The following SGIP1 variants were observed in gnomAD, a reference collection of about 807,000 sequenced individuals.
SGIP1 encodes the protein SH3GL interacting endocytic adaptor 1.
A neutral mutation model predicts 107.5 loss-of-function variants in SGIP1; 38 were observed. The observed-to-expected ratio is 0.35, with a 90% CI of 0.27 to 0.46. The LOEUF (loss-of-function observed/expected upper bound fraction) is 0.46. SGIP1 is among the 20% of genes least tolerant of loss of function. The pLI is 1.00. For synonymous variants in SGIP1, 365 were observed against 366.1 expected, an observed-to-expected ratio of 1.00 and a Z score of 0.03; for missense variants, 929 against 1,019.5, an observed-to-expected ratio of 0.91 and a Z score of 1.21.
rs369592308 is a variant in SGIP1, at chr1:66,729,390, C to T, written c.1869C>T (p.His623=). 56 of 1,614,138 alleles carry T rather than the reference C, an allele frequency of 3.5e-5. 1 individual carries two copies. In the South Asian group the frequency reaches 4.2e-4, roughly 12 times the overall value. Residue 623 remains histidine (H), a synonymous_variant, in exon 20 of 25, where the codon CAC becomes CAT. Transcript: ENST00000371037. ...TGATAAATTTCAGCAGGTTAGAACA[C>T]GTCCTGCCAAACCCCCAACTTCTCT... ...FRVINFSRLE[H]VLPNPQLLCC...
intron 1 of SGIP1, among the ~76,000 whole-genome samples, chr1:66,617,531 T>C (rs1436125716): frequency 3.3e-5 from 5 of 152,234 alleles, no homozygotes; most frequent in African/African-American, 1.2e-4. Context: ...GCTGTCAATA[T>C]GCGGCATTGT....
In SGIP1 at chr1:66,745,278, A is replaced by C. The variant is rs1361576701; in HGVS notation, c.*2183A>C. 6.6e-6 allele frequency: 1 copy of C among 152,060 alleles called. No individual in the cohort carries two copies. The highest frequency in any genetic ancestry group is 2.4e-5 in the African/African-American group (1 of 41,458). 9.4% of individuals were successfully genotyped at this position (152,060 alleles called of 1,614,324 possible). A position where few individuals can be genotyped will look rare whatever the true frequency, so the allele number is the denominator to read the frequency against. ...CTTTCTAGGGATTAAATTAGAAACT[A>C]TGAAGAAATCCTATAATCTCTTAAC... On this transcript the variant is annotated 3_prime_UTR_variant, in exon 25 of 25. Transcript: ENST00000371037.
chr1:66,737,208 C>A (rs2094294017), intron 21 of SGIP1, among the ~76,000 whole-genome samples: 1 of 152,130 alleles, frequency 6.6e-6, no homozygotes, highest in African/African-American at 2.4e-5. Context: ...CCAAAGTGTG[C>A]AAATAAGTTG....
intron 16 of SGIP1, 120 bp from the exon 17 acceptor site, chr1:66,690,070 T>C: frequency 9.0e-7 from 1 of 1,105,982 alleles, no homozygotes; most frequent in Non-Finnish European, 1.3e-6. Flanking sequence ...GTAAAAATGG[T>C]GTCATCTATT....
chr1:66,652,113 T>C (rs1056817982), intron 7 of SGIP1, among the ~76,000 whole-genome samples: 1 of 152,100 alleles, frequency 6.6e-6, no homozygotes, highest in Admixed American at 6.5e-5. Flanking sequence ...ATATATCTTA[T>C]TATCTGTGTG....
At chr1:66,597,999 G>A (rs2065043068) in intron 1 of SGIP1, among the ~76,000 whole-genome samples, 1 of 152,036 alleles carries the variant, frequency 6.6e-6, no homozygotes, top group Non-Finnish European at 1.5e-5. Flanking sequence ...CAAGCAGAAA[G>A]GGAACACAAC....
Position 66,719,282 on chromosome 1 carries a change from C to T in SGIP1, c.1631-12C>T. On this transcript the variant is annotated splice_polypyrimidine_tract_variant and intron_variant, in intron 18 of 24. Transcript: ENST00000371037. The stretch of plus-strand genomic sequence containing the variant: ...ATTTTCATAATAAATGAAAATTTTT[C>T]ATTTCATGCAGGTTCTTCCAGGGGA... The T allele has an allele frequency of 6.3e-7, 1 of 1,581,472 alleles. No homozygotes were observed. The highest frequency in any genetic ancestry group is 8.6e-7 in the Non-Finnish European group (1 of 1,159,344).
intron 10 of SGIP1, among the ~76,000 whole-genome samples, chr1:66,671,670 A>G (rs1284723666): frequency 2.0e-5 from 3 of 152,196 alleles, no homozygotes; most frequent in Non-Finnish European, 2.9e-5. Flanking sequence ...GTGCTCTTTC[A>G]CTAAGTGCTG....
Position 66,682,328 on chromosome 1 carries a change from C to T in SGIP1, c.1274C>T (p.Ser425Phe). The change falls in exon 15 of 25, where the codon TCC (serine) becomes TTC (phenylalanine). Residue 425 changes from serine to phenylalanine, a missense_variant. By Grantham distance (155) the Ser-to-Phe change is radical. Coordinates refer to ENST00000371037, the MANE Select transcript of SGIP1 (RefSeq NM_032291.4). ...CCCACCTACAGGACTGTGGTTTCGT[C>T]CCCCGGACCTGGCTCGGGCCCTGGT... Reference protein sequence around the residue: ...PPPTYRTVVSSPGPGSGPGPG... With the variant: ...PPPTYRTVVSFPGPGSGPGPG... 5 of 1,614,062 alleles carry T rather than the reference C, an allele frequency of 3.1e-6. No homozygotes were observed. The highest frequency in any genetic ancestry group is 4.2e-6 in the Non-Finnish European group (5 of 1,179,988).
In SGIP1 at chr1:66,741,417, C is replaced by G; in HGVS notation, c.2445C>G (p.Ile815Met). Residue 815 changes from isoleucine to methionine, a missense_variant, in exon 24 of 25, where the codon ATC becomes ATG. Around this residue, in one of 2 missense-constraint regions of SGIP1, gnomAD observed 341 missense variants for 430.9 expected, o/e 0.79. Transcript: ENST00000371037. Reference sequence around the variant, plus strand: ...GAGCAGGGTATCGATTTTCACTCATCAAGAAAAGGTTTGCTGCAGGTAAAT... The same window carrying G: ...GAGCAGGGTATCGATTTTCACTCATGAAGAAAAGGTTTGCTGCAGGTAAAT... ...LVGAGYRFSL[I>M]KKRFAAGKYL... 6.3e-7 allele frequency: 1 copy of G among 1,583,706 alleles called. No individual in the cohort carries two copies. The highest frequency in any genetic ancestry group is 8.6e-7 in the Non-Finnish European group (1 of 1,167,078).
At chr1:66,601,061 G>A (rs1026251072) in intron 1 of SGIP1, among the ~76,000 whole-genome samples, 1 of 152,032 alleles carries the variant, frequency 6.6e-6, no homozygotes, top group African/African-American at 2.4e-5. Context: ...ACACATGCTG[G>A]TCCTACTCAA....
chr1:66,639,610 A>G (rs969594249), intron 4 of SGIP1, among the ~76,000 whole-genome samples, 167 bp from the exon 5 acceptor site: 1 of 152,238 alleles, frequency 6.6e-6, no homozygotes, highest in Admixed American at 6.5e-5. Flanking sequence ...AGCTAGATTT[A>G]CCATTCCATT....
At chr1:66,684,805 G>A (rs967432522) in intron 15 of SGIP1, among the ~76,000 whole-genome samples, 4 of 152,198 alleles carry the variant, frequency 2.6e-5, no homozygotes, top group African/African-American at 9.6e-5. Flanking sequence ...ATTTTTGAGA[G>A]TTTTGTTGTG....
rs374731608 is a variant in SGIP1, at chr1:66,744,825, C to T, written c.*1730C>T. ...CTCTCAGTTGGCCCCCTACAGCAGT[C>T]TGGTGTTGAAGTTTCTTTGAACGAA... On this transcript the variant is annotated 3_prime_UTR_variant, in exon 25 of 25. Transcript: ENST00000371037. The T allele has an allele frequency of 8.5e-5, 13 of 152,506 alleles. No individual in the cohort carries two copies. The East Asian group carries it at 2.3e-3, about 27-fold the overall frequency. 9.4% of individuals were successfully genotyped at this position (152,506 alleles called of 1,614,324 possible). A position where few individuals can be genotyped will look rare whatever the true frequency, so the allele number is the denominator to read the frequency against.
At chr1:66,615,596 T>C (rs1399936540) in intron 1 of SGIP1, among the ~76,000 whole-genome samples, 2 of 152,214 alleles carry the variant, frequency 1.3e-5, no homozygotes, top group African/African-American at 4.8e-5. Context: ...TATTATCCAG[T>C]ATATTTTCTT....
chr1:66,540,147 A>C (rs1216976555), intron 1 of SGIP1, among the ~76,000 whole-genome samples: 1 of 152,244 alleles, frequency 6.6e-6, no homozygotes, highest in East Asian at 1.9e-4. Context: ...GGAGAAATAA[A>C]ATCAATAAAC....
intron 1 of SGIP1, among the ~76,000 whole-genome samples, chr1:66,554,553 A>T (rs183931211): frequency 1.5e-4 from 23 of 152,238 alleles, no homozygotes; most frequent in African/African-American, 4.3e-4. Flanking sequence ...ACCTCATATG[A>T]TAGGCCACAG....
At chr1:66,627,304 T>C (rs1256546915) in intron 2 of SGIP1, among the ~76,000 whole-genome samples, 2 of 152,110 alleles carry the variant, frequency 1.3e-5, no homozygotes, top group African/African-American at 4.8e-5. Context: ...AGGATGTGTA[T>C]TTCATGCAAA....
At chr1:66,566,163 G>A (rs1367361007) in intron 1 of SGIP1, among the ~76,000 whole-genome samples, 1 of 151,952 alleles carries the variant, frequency 6.6e-6, no homozygotes. Context: ...CCTGTTTTTA[G>A]AGGAACACCA....
Sources: allele counts gnomAD v4.1 joint callset (sites outside exome capture counted in the v4.1 genomes callset), GRCh38; gene constraint gnomAD v4.1.1; regional missense constraint gnomAD v4.1.1; transcripts MANE v1.5; gene names NCBI Gene and HGNC (gene_info 2026-07-23, HGNC 2026-07-21).